Variants in CCDC148 observed in about 807,000 individuals in gnomAD.
CCDC148 encodes the protein coiled-coil domain-containing protein 148.
A neutral mutation model predicts 85.7 loss-of-function variants in CCDC148; 89 were observed. The observed-to-expected ratio is 1.04, with a 90% confidence interval of 0.87 to 1.24. The LOEUF (loss-of-function observed/expected upper bound fraction) is 1.24, where lower values mean the gene tolerates loss of function less well. Ranked by LOEUF, CCDC148 falls within the 50% of genes most tolerant of loss-of-function variation. CCDC148 has a pLI of 0.00. For synonymous variants in CCDC148, 230 were observed against 213.9 expected, an observed-to-expected ratio of 1.08 and a Z score of -0.66; for missense variants, 692 against 671.7, an observed-to-expected ratio of 1.03 and a Z score of -0.33.
intron 1 of CCDC148, among the ~76,000 whole-genome samples, chr2:158,436,076 A>G (rs1687637889): frequency 6.6e-6 from 1 of 152,322 alleles, no homozygotes; most frequent in Middle Eastern, 3.4e-3. Context: ...AATGAGACAG[A>G]AAGTTAACAA....
At chr2:158,323,083 A>C (rs1363384537) in intron 7 of CCDC148, among the ~76,000 whole-genome samples, 1 of 152,212 alleles carries the variant, frequency 6.6e-6, no homozygotes, top group Non-Finnish European at 1.5e-5. Flanking sequence ...TACTGATGAA[A>C]TACAGCCCAA....
At chr2:158,311,419 C>A (rs1692008008) in intron 8 of CCDC148, among the ~76,000 whole-genome samples, 2 of 150,770 alleles carry the variant, frequency 1.3e-5, no homozygotes, top group African/African-American at 5.0e-5. Context: ...GAGATCGCGG[C>A]AGTACAGTCC....
intron 1 of CCDC148, among the ~76,000 whole-genome samples, chr2:158,427,533 G>T (rs959672044): frequency 6.6e-6 from 1 of 152,094 alleles, no homozygotes; most frequent in African/African-American, 2.4e-5. Flanking sequence ...GGTAGGAAAG[G>T]ATATTTCAAA....
rs1285581416 is a variant in CCDC148, at chr2:158,346,939, CA to C, written c.148-1622del. 3.8e-5 allele frequency among the ~76,000 whole-genome samples: 4 copies of C among 104,380 alleles called. No homozygotes were observed. The South Asian group carries it at 9.6e-4, about 25-fold the overall frequency. 68.5% of individuals were successfully genotyped at this position (104,380 alleles called of 152,430 possible). On this transcript the variant is annotated intron_variant, in intron 2 of 13. Coordinates refer to ENST00000283233, the MANE Select transcript of CCDC148 (RefSeq NM_138803.4). The stretch of plus-strand genomic sequence containing the variant: ...AGATTACTTTTAAAAAATACAAAGT[CA>C]AAGTCAAATATTTTCCTAAGAAGGT...
At chr2:158,287,825 A>G (rs1219580962) in intron 9 of CCDC148, among the ~76,000 whole-genome samples, 1 of 152,202 alleles carries the variant, frequency 6.6e-6, no homozygotes, top group Non-Finnish European at 1.5e-5. Context: ...GCAGTGCCCC[A>G]GTAGGGACTC....
At position 158,376,907 on chromosome 2, in the gene CCDC148, AGGTC is replaced by A. The variant is rs1222711002; in HGVS notation, c.26-18341_26-18338del. Among the ~76,000 whole-genome samples, 7 of 152,104 alleles carry A rather than the reference AGGTC, an allele frequency of 4.6e-5. No homozygotes were observed. In the East Asian group the frequency reaches 1.4e-3, roughly 29 times the overall value. ...TTTGAAGCATGAAAGGTGGGCCCTC[AGGTC>A]TGGGTAGGGTTTTCAGGGAGAGGCA... On this transcript the variant is annotated intron_variant, in intron 1 of 13. Coordinates refer to ENST00000283233, the MANE Select transcript of CCDC148 (RefSeq NM_138803.4).
chr2:158,454,435 G>A (rs184652974), intron 1 of CCDC148, among the ~76,000 whole-genome samples: 1 of 152,364 alleles, frequency 6.6e-6, no homozygotes, highest in Admixed American at 6.5e-5. Context: ...TATGAGCCTT[G>A]AAGAGAAATG....
chr2:158,273,707 C>T (rs894987115), intron 9 of CCDC148, among the ~76,000 whole-genome samples: 5 of 152,138 alleles, frequency 3.3e-5, no homozygotes, highest in Non-Finnish European at 2.9e-5. Context: ...ATGAATCATG[C>T]TTATTACTTG....
intron 9 of CCDC148, among the ~76,000 whole-genome samples, chr2:158,274,044 T>C (rs1263331774): frequency 6.6e-6 from 1 of 152,172 alleles, no homozygotes; most frequent in African/African-American, 2.4e-5. Context: ...AACATATAGA[T>C]GACCCCATAC....
chr2:158,307,125 A>G (rs1329141980), intron 9 of CCDC148, among the ~76,000 whole-genome samples: 6 of 152,094 alleles, frequency 3.9e-5, no homozygotes, highest in Non-Finnish European at 2.9e-5. Context: ...TCATTTAAAG[A>G]TGCCATTAAG....
At chr2:158,245,271 G>C (rs1350915798) in intron 10 of CCDC148, among the ~76,000 whole-genome samples, 3 of 152,150 alleles carry the variant, frequency 2.0e-5, no homozygotes, top group African/African-American at 7.2e-5. Flanking sequence ...ATCCCCTGAG[G>C]GGGTGGGGGA....
intron 11 of CCDC148, among the ~76,000 whole-genome samples, chr2:158,180,455 GA>G (rs1352398948): frequency 6.6e-6 from 1 of 152,158 alleles, no homozygotes; most frequent in Non-Finnish European, 1.5e-5. Flanking sequence ...TGCACTGTGG[GA>G]GGGGCTGGCT....
intron 1 of CCDC148, among the ~76,000 whole-genome samples, chr2:158,369,154 G>T (rs1684325995): frequency 6.6e-6 from 1 of 151,990 alleles, no homozygotes; most frequent in Non-Finnish European, 1.5e-5. Context: ...CACTATACGG[G>T]CTCTTTTTTT....
chr2:158,383,000 A>G (rs1684941708), intron 1 of CCDC148, among the ~76,000 whole-genome samples: 1 of 152,120 alleles, frequency 6.6e-6, no homozygotes, highest in South Asian at 2.1e-4. Context: ...AAAAGTTGCC[A>G]TAAAAAATGA....
intron 11 of CCDC148, among the ~76,000 whole-genome samples, chr2:158,191,682 G>T (rs1685431217): frequency 6.6e-6 from 1 of 151,860 alleles, no homozygotes; most frequent in African/African-American, 2.4e-5. Flanking sequence ...GATTTCCTCT[G>T]GCTATAGAGT....
At chr2:158,376,703 G>T (rs993199890) in intron 1 of CCDC148, among the ~76,000 whole-genome samples, 11 of 151,918 alleles carry the variant, frequency 7.2e-5, no homozygotes, top group African/African-American at 2.7e-4. Context: ...GGAGGAAAAA[G>T]AAACGCAGAG....
Position 158,395,007 on chromosome 2 carries a change from A to G in CCDC148, c.26-36437T>C, listed in dbSNP as rs150730078. On this transcript the variant is annotated intron_variant, in intron 1 of 13. Coordinates refer to ENST00000283233, the MANE Select transcript of CCDC148 (RefSeq NM_138803.4). The stretch of plus-strand genomic sequence containing the variant: ...TTGTTTTCTCTTTAATTATTGACAG[A>G]GTCTGTTCCTTAATCAGGAAAAAAG... Among the ~76,000 whole-genome samples the G allele has an allele frequency of 4.8e-3, 724 of 152,232 alleles. 2 individuals are homozygous for G. Among genetic ancestry groups the G allele is most frequent in the African/African-American group, 0.016 (681 of 41,550 alleles).
chr2:158,439,174 C>T (rs1042304323), intron 1 of CCDC148, among the ~76,000 whole-genome samples: 8 of 152,244 alleles, frequency 5.3e-5, no homozygotes, highest in African/African-American at 1.2e-4. Context: ...GACACATGCA[C>T]GTGTATGTTT....
chr2:158,331,009 T>C (rs148182243), intron 7 of CCDC148, among the ~76,000 whole-genome samples: 6 of 152,330 alleles, frequency 3.9e-5, no homozygotes, highest in African/African-American at 1.4e-4. Context: ...TCTATTTCCT[T>C]CAGTTCTGCT....
Sources: allele counts gnomAD v4.1 joint callset (sites outside exome capture counted in the v4.1 genomes callset), GRCh38; gene constraint gnomAD v4.1.1; transcripts MANE v1.5; gene names NCBI Gene and HGNC (gene_info 2026-07-23, HGNC 2026-07-21).